Variants in WDPCP observed in about 807,000 individuals in gnomAD.
WDPCP encodes WD repeat-containing and planar cell polarity effector protein fritz homolog.
In WDPCP, 71 loss-of-function variants were observed where a neutral mutation model predicts 93.1. The observed-to-expected ratio is 0.76, with a 90% confidence interval of 0.63 to 0.93. The LOEUF (loss-of-function observed/expected upper bound fraction) is 0.93. Ranked by LOEUF, WDPCP falls within the 40% of genes least tolerant of loss-of-function variation. The pLI is 0.00. For synonymous variants in WDPCP, 315 were observed against 315.0 expected (o/e 1.00, Z 0.00); for missense variants, 844 against 887.4 (o/e 0.95, Z 0.62).
At chr2:63,467,700 T>C (rs58695205) in intron 6 of WDPCP, among the ~76,000 whole-genome samples, 3,036 of 145,264 alleles carry the variant, frequency 0.021, 120 homozygotes, top group African/African-American at 0.074. Flanking sequence ...TGCTAGAACT[T>C]AGGAGGCAGA....
chr2:63,223,563 G>A (rs998206202), intron 14 of WDPCP, among the ~76,000 whole-genome samples: 1 of 152,126 alleles, frequency 6.6e-6, no homozygotes, highest in Non-Finnish European at 1.5e-5. Context: ...CAAGGATTGA[G>A]TGAATTCTGC....
intron 1 of WDPCP, among the ~76,000 whole-genome samples, chr2:63,506,121 T>A (rs148944486): frequency 3.8e-4 from 58 of 152,262 alleles, no homozygotes; most frequent in Middle Eastern, 3.4e-3. Context: ...ATTTACTAAT[T>A]CTAAAGTCAC....
At position 63,273,802 on chromosome 2, in the gene WDPCP, C is replaced by T. The variant is rs551361251; in HGVS notation, c.1813-14393G>A. 1.9e-4 allele frequency among the ~76,000 whole-genome samples: 28 copies of T among 150,370 alleles called. No homozygotes were observed. In the East Asian group the frequency reaches 3.7e-3, roughly 20 times the overall value. On this transcript the variant is annotated intron_variant, in intron 13 of 17. Transcript: ENST00000272321. ...CAACTCTAAATATGTATGCACCCAACGCAGAAACACACACACACACACACG... is the reference window on the plus strand; with the variant it reads ...CAACTCTAAATATGTATGCACCCAATGCAGAAACACACACACACACACACG...
intron 1 of WDPCP, among the ~76,000 whole-genome samples, chr2:63,502,631 T>C (rs188296924): frequency 2.0e-5 from 3 of 152,342 alleles, no homozygotes; most frequent in Non-Finnish European, 2.9e-5. Context: ...CCTGTTCCTA[T>C]ATTTTGCTCA....
intron 2 of WDPCP, among the ~76,000 whole-genome samples, chr2:63,798,971 G>T (rs1670657199): frequency 6.6e-6 from 1 of 152,096 alleles, no homozygotes; most frequent in Admixed American, 6.5e-5. Context: ...TACTTATTTT[G>T]AATTTTGGTA....
chr2:63,676,038 T>C (rs1401950530), intron 2 of WDPCP, among the ~76,000 whole-genome samples: 1 of 152,222 alleles, frequency 6.6e-6, no homozygotes, highest in Non-Finnish European at 1.5e-5. Context: ...TTTACTTAGA[T>C]ATTATTAGAT....
chr2:63,438,351 C>G (rs1697278577), intron 7 of WDPCP, among the ~76,000 whole-genome samples: 1 of 151,984 alleles, frequency 6.6e-6, no homozygotes, highest in African/African-American at 2.4e-5. Context: ...TACACAATTA[C>G]AAGAGAATCT....
At chr2:63,380,982 T>TA (rs764840371) in intron 11 of WDPCP, among the ~76,000 whole-genome samples, 2 of 152,102 alleles carry the variant, frequency 1.3e-5, no homozygotes, top group Non-Finnish European at 2.9e-5. Context: ...GAAAAATCTA[T>TA]AAAAATGCAA....
intron 13 of WDPCP, among the ~76,000 whole-genome samples, chr2:63,271,839 T>G (rs1198497646): frequency 6.6e-6 from 1 of 152,132 alleles, no homozygotes; most frequent in Non-Finnish European, 1.5e-5. Context: ...TCAACCTACA[T>G]GTGCCACCTG....
chr2:63,608,344 C>G (rs910315862), intron 3 of WDPCP, among the ~76,000 whole-genome samples: 17 of 152,036 alleles, frequency 1.1e-4, no homozygotes, highest in African/African-American at 4.1e-4. Flanking sequence ...AAGTAATAAA[C>G]TAAGCTTATT....
chr2:63,835,064 T>C, the WDPCP span, among the ~76,000 whole-genome samples: 3 of 151,544 alleles, frequency 2.0e-5, no homozygotes, highest in Admixed American at 1.3e-4. Flanking sequence ...CTTACTGAAA[T>C]TTAAAAAAAA....
chr2:63,303,196 C>T (rs183559401), intron 13 of WDPCP, among the ~76,000 whole-genome samples: 5 of 152,118 alleles, frequency 3.3e-5, no homozygotes, highest in African/African-American at 1.2e-4. Context: ...TATTTCACTG[C>T]GATTTTAGCT....
intron 9 of WDPCP, among the ~76,000 whole-genome samples, chr2:63,406,334 C>CCATTCCAACT (rs1694581558): frequency 6.6e-6 from 1 of 152,164 alleles, no homozygotes; most frequent in African/African-American, 2.4e-5. Flanking sequence ...CCAACTCCTT[C>CCATTCCAACT]CCTCCCTCAC....
intron 3 of WDPCP, among the ~76,000 whole-genome samples, chr2:63,608,544 G>A (rs1709578881): frequency 6.6e-6 from 1 of 152,116 alleles, no homozygotes; most frequent in East Asian, 1.9e-4. Context: ...TTGTTGGTTG[G>A]ACTTATTTAA....
intron 12 of WDPCP, among the ~76,000 whole-genome samples, chr2:63,323,758 G>T (rs1687303847): frequency 6.6e-6 from 1 of 152,010 alleles, no homozygotes; most frequent in Non-Finnish European, 1.5e-5. Flanking sequence ...GACAGGCAAG[G>T]GTGCAGGTTT....
At chr2:63,146,119 G>A (rs79065583) in intron 17 of WDPCP, among the ~76,000 whole-genome samples, 2 of 152,134 alleles carry the variant, frequency 1.3e-5, no homozygotes, top group Non-Finnish European at 2.9e-5. Flanking sequence ...AGATTATGGG[G>A]TTCTCTAGAT....
At chr2:63,202,684 T>C (rs1676006604) in intron 14 of WDPCP, among the ~76,000 whole-genome samples, 1 of 152,178 alleles carries the variant, frequency 6.6e-6, no homozygotes, top group African/African-American at 2.4e-5. Flanking sequence ...TTGTGAATTG[T>C]AGTATTTAGC....
At chr2:63,150,990 T>C (rs183889785) in intron 17 of WDPCP, among the ~76,000 whole-genome samples, 3 of 152,360 alleles carry the variant, frequency 2.0e-5, no homozygotes, top group Admixed American at 2.0e-4. Context: ...AAAGTGTATA[T>C]GAGTTAGTGC....
intron 15 of WDPCP, among the ~76,000 whole-genome samples, chr2:63,162,253 G>A (rs2103902657): frequency 6.6e-6 from 1 of 152,018 alleles, no homozygotes; most frequent in Non-Finnish European, 1.5e-5. Context: ...AATATTCAAG[G>A]ACTTAATCAC....
Sources: allele counts gnomAD v4.1 joint callset (sites outside exome capture counted in the v4.1 genomes callset), GRCh38; gene constraint gnomAD v4.1.1; transcripts MANE v1.5; gene names NCBI Gene and HGNC (gene_info 2026-07-23, HGNC 2026-07-21).